KIF2C: variants seen among roughly 807,000 people sequenced by gnomAD.
KIF2C encodes the protein kinesin-like protein KIF2C.
Under a neutral mutation model 97.4 loss-of-function variants are expected in KIF2C, and 34 were observed. The ratio of observed to expected loss-of-function variants is 0.35; its 90% CI spans 0.27 to 0.46. The LOEUF (loss-of-function observed/expected upper bound fraction) is 0.46, where lower values mean the gene tolerates loss of function less well. Among genes scored for constraint, KIF2C ranks in the 20% least tolerant of loss-of-function variants. The pLI is 1.00. For missense variants in KIF2C, 750 were observed against 907.6 expected, an observed-to-expected ratio of 0.83 and a Z score of 2.23; for synonymous variants, 313 against 318.2, an observed-to-expected ratio of 0.98 and a Z score of 0.17.
rs1402190950 is a variant in KIF2C at position 44,756,226 on chromosome 1, A to C, written c.966A>C (p.Glu322Asp). The C allele has an allele frequency of 1.9e-6, 3 of 1,614,100 alleles. No individual in the cohort carries two copies. The South Asian group carries it at 3.3e-5, about 18-fold the overall frequency. ...DFAFDETASN[E>D]VVYRFTARPL... The stretch of plus-strand genomic sequence containing the variant: ...CATTTGATGAAACAGCTTCGAATGA[A>C]GTTGTCTACAGGTTAGTCCCTTGCA... The change falls in exon 10 of 21, where the codon GAA becomes GAC. Residue 322 changes from glutamate (E) to aspartate (D), a missense_variant. Coordinates refer to ENST00000372224, the MANE Select transcript of KIF2C (RefSeq NM_006845.4).
chr1:44,746,605 T>TCA (rs747712032), intron 2 of KIF2C: 68 of 1,440,952 alleles, frequency 4.7e-5, no homozygotes, highest in Non-Finnish European at 6.2e-5. Context: ...CAGCAGGACC[T>TCA]CACTGCCCAG....
chr1:44,761,838 T>C, intron 16 of KIF2C, 78 bp from the exon 17 acceptor site: 2 of 1,336,490 alleles, frequency 1.5e-6, no homozygotes, highest in Non-Finnish European at 2.2e-6. Flanking sequence ...ACACCCTGAC[T>C]GGAGGCCCCT....
chr1:44,758,021 G>T, intron 12 of KIF2C, 28 bp from the exon 13 acceptor site: 1 of 1,614,122 alleles, frequency 6.2e-7, no homozygotes, highest in Non-Finnish European at 8.5e-7. Flanking sequence ...AAGGCAGGTT[G>T]TTTGCTTAGC....
intron 2 of KIF2C, among the ~76,000 whole-genome samples, chr1:44,743,130 G>A (rs1649018481): frequency 6.6e-6 from 1 of 152,220 alleles, no homozygotes; most frequent in Admixed American, 6.5e-5. Context: ...CACTGAGCTG[G>A]TTAGGTTTTC....
intron 1 of KIF2C, 94 bp downstream of exon 1, chr1:44,740,096 C>G: frequency 1.4e-6 from 2 of 1,402,108 alleles, no homozygotes; most frequent in Non-Finnish European, 2.0e-6. Context: ...GGCTTTCACT[C>G]TCTTTCTCTC....
At position 44,760,409 on chromosome 1, in the gene KIF2C, C is replaced by A; in HGVS notation, c.1497C>A (p.Gly499=). Residue 499 remains glycine (G), a synonymous_variant, in exon 15 of 21, where the codon GGC becomes GGA. Transcript: ENST00000372224. This position sits in a 1 kb window ranked among gnomAD's most constrained non-coding sequence, Gnocchi z 4.2. ...TAGATCTGGCAGGGAATGAGCGAGG[C>A]GCGGACACTTCCAGTGCTGACCGGC... ...SLVDLAGNER[G]ADTSSADRQT... 6.2e-7 allele frequency: 1 copy of A among 1,614,180 alleles called. No individual in the cohort carries two copies. Among genetic ancestry groups the A allele is most frequent in the Non-Finnish European group, 8.5e-7 (1 of 1,180,030 alleles).
rs1573562146 is a variant in KIF2C, at chr1:44,753,044, C to T, written c.440-88C>T. ...AGCCTTACCGAGCAGGCAGGTCGCT[C>T]TCCCGGCCCATAACCAGGGCCATGG... On this transcript the variant is annotated intron_variant, in intron 5 of 20. Transcript: ENST00000372224. The T allele has an allele frequency of 6.6e-6, 10 of 1,511,626 alleles. No individual in the cohort carries two copies. The East Asian group carries it at 2.1e-4, about 31-fold the overall frequency. The allele number at this position is 1,511,626 out of a possible 1,614,324, so 93.6% of individuals were successfully genotyped here.
Position 44,757,583 on chromosome 1 carries a change from A to G in KIF2C, c.1005A>G (p.Thr335=), listed in dbSNP as rs117192754. ...TCACAGCAAGGCCACTGGTACAGAC[A>G]ATCTTTGAAGGTGGAAAAGCAACTT... ...YRFTARPLVQ[T]IFEGGKATCF... Residue 335 remains threonine (T), a synonymous_variant, in exon 11 of 21, where the codon ACA becomes ACG. Coordinates refer to ENST00000372224, the MANE Select transcript of KIF2C (RefSeq NM_006845.4). 6,837 of 1,613,508 alleles carry G rather than the reference A, an allele frequency of 4.2e-3. 38 individuals carry two copies. The highest frequency in any genetic ancestry group is 0.012 in the East Asian group (557 of 44,864).
chr1:44,751,750 T>C (rs6685176), intron 5 of KIF2C, among the ~76,000 whole-genome samples: 66,982 of 149,028 alleles, frequency 0.45, 15,735 homozygotes, highest in African/African-American at 0.59. Context: ...TCATGTGATC[T>C]GCCCGCCTTG....
chr1:44,746,507 A>C, intron 2 of KIF2C: 1 of 1,278,708 alleles, frequency 7.8e-7, no homozygotes. Context: ...ATAAGATCCT[A>C]AAGGGCCCCC....
At chr1:44,766,767 A>G in intron 19 of KIF2C, 59 bp from the exon 20 acceptor site, 1 of 1,588,322 alleles carries the variant, frequency 6.3e-7, no homozygotes, top group East Asian at 2.3e-5. Context: ...AGTTGGTAGG[A>G]CCCCAGGAAT....
intron 10 of KIF2C, 122 bp from the exon 11 acceptor site, chr1:44,757,434 G>C: frequency 1.5e-6 from 1 of 688,216 alleles, no homozygotes; most frequent in South Asian, 1.7e-5. Flanking sequence ...CACTGAGGCA[G>C]GAGAGGAGTG....
Position 44,760,663 on chromosome 1 carries a change from G to C in KIF2C, c.1644G>C (p.Leu548=), listed in dbSNP as rs753976317. The part of the protein sequence containing the change: ...PFRESKLTQV[L]RDSFIGENSR... The stretch of plus-strand genomic sequence containing the variant: ...GTGAGAGCAAGCTGACACAGGTGCT[G>C]AGGGACTCCTTCATTGGGGAGAACT... Residue 548 remains leucine, a synonymous_variant, in exon 16 of 21, where the codon CTG becomes CTC. Transcript: ENST00000372224. This position sits in a 1 kb window ranked among gnomAD's most constrained non-coding sequence, Gnocchi z 4.2. 1.9e-6 allele frequency: 3 copies of C among 1,614,094 alleles called. No homozygotes were observed. The highest frequency in any genetic ancestry group is 2.5e-6 in the Non-Finnish European group (3 of 1,180,048).
intron 5 of KIF2C, among the ~76,000 whole-genome samples, chr1:44,751,042 C>G (rs1557593011): frequency 6.6e-6 from 1 of 152,178 alleles, no homozygotes; most frequent in Non-Finnish European, 1.5e-5. Flanking sequence ...ATAAACAGAA[C>G]ACACTCATGT....
At chr1:44,747,524 G>T (rs910063369) in intron 3 of KIF2C, 39 bp downstream of exon 3, 10 of 1,583,484 alleles carry the variant, frequency 6.3e-6, no homozygotes, top group Non-Finnish European at 8.6e-6. Context: ...GTGCGCCAGA[G>T]AATTCACTTT....
chr1:44,749,039 G>A (rs913464236), intron 4 of KIF2C, among the ~76,000 whole-genome samples: 1 of 152,186 alleles, frequency 6.6e-6, no homozygotes, highest in African/African-American at 2.4e-5. Flanking sequence ...GCTCATGCCT[G>A]TAATCCCAGC....
At chr1:44,762,286 C>A in intron 17 of KIF2C, 60 bp from the exon 18 acceptor site, 1 of 1,457,430 alleles carries the variant, frequency 6.9e-7, no homozygotes, top group South Asian at 1.1e-5. Flanking sequence ...GGCGGTGCCA[C>A]ATTCCTCTGG....
chr1:44,767,031 C>T, intron 20 of KIF2C, 66 bp from the exon 21 acceptor site: 2 of 1,609,326 alleles, frequency 1.2e-6, no homozygotes, highest in East Asian at 2.2e-5. Flanking sequence ...GGCAGCTCTG[C>T]CCTGAGTGAA....
Position 44,761,987 on chromosome 1 carries a change from C to G in KIF2C, c.1751+4C>G, listed in dbSNP as rs147926518. 1.9e-6 allele frequency: 3 copies of G among 1,612,518 alleles called. No individual in the cohort carries two copies. The highest frequency in any genetic ancestry group is 2.2e-5 in the South Asian group (2 of 91,056). On this transcript the variant is annotated splice_donor_region_variant and intron_variant, in intron 17 of 20. Transcript: ENST00000372224. The stretch of plus-strand genomic sequence containing the variant: ...ACACCCTGAGATATGCAGACAGGTA[C>G]TAGTACCTACAGCTAGGTGGGATGC...
Sources: gnomAD v4.1 joint callset for allele counts (sites outside exome capture counted in the v4.1 genomes callset) on GRCh38, gnomAD v4.1.1 for gene constraint, Gnocchi (gnomAD v3.1) non-coding constraint, MANE v1.5 for transcripts, NCBI Gene and HGNC (gene_info 2026-07-23, HGNC 2026-07-21) for gene names.